Variants in GRIA3 observed in about 807,000 individuals in gnomAD.
GRIA3 encodes the protein glutamate ionotropic receptor AMPA type subunit 3.
In GRIA3, 3 loss-of-function variants were observed where a neutral mutation model predicts 63.0. The ratio of observed to expected loss-of-function variants is 0.05; its 90% CI spans 0.02 to 0.12. The LOEUF (loss-of-function observed/expected upper bound fraction) is 0.12. Among genes scored for constraint, GRIA3 ranks in the 10% least tolerant of loss-of-function variants. GRIA3 has a pLI of 1.00. For missense variants in GRIA3, 347 were observed against 700.9 expected, an observed-to-expected ratio of 0.50 and a Z score of 5.70; for synonymous variants, 274 against 257.9, an observed-to-expected ratio of 1.06 and a Z score of -0.60.
At chrX:123,260,426 C>CAGAAAGAAAGAAAGAA (rs1228813293) in intron 3 of GRIA3, among the ~76,000 whole-genome samples, 5 of 7,350 alleles carry the variant, frequency 6.8e-4, no homozygotes, top group African/African-American at 1.8e-3. Flanking sequence ...GACAGACAGA[C>CAGAAAGAAAGAAAGAA]AGAAAGAAAG....
At chrX:123,445,923 A>T (rs1281877612) in intron 12 of GRIA3, among the ~76,000 whole-genome samples, 1 of 112,309 alleles carries the variant, frequency 8.9e-6, no homozygotes, top group African/African-American at 3.2e-5. Context: ...GCTTTTTTTT[A>T]GGAATTCCCC....
intron 3 of GRIA3, among the ~76,000 whole-genome samples, chrX:123,261,694 C>G (rs898175293): frequency 1.8e-5 from 2 of 111,634 alleles, no homozygotes; most frequent in African/African-American, 3.3e-5. Flanking sequence ...CCCTGTCCCT[C>G]TTGTGACCAA....
At chrX:123,259,800 A>G (rs1343690438) in intron 3 of GRIA3, among the ~76,000 whole-genome samples, 1 of 111,529 alleles carries the variant, frequency 9.0e-6, no homozygotes, top group Non-Finnish European at 1.9e-5. Context: ...TCCACAGTCT[A>G]TGTACTGTTC....
intron 2 of GRIA3, chrX:123,204,622 A>G (rs1927836655): frequency 4.5e-6 from 5 of 1,101,890 alleles, no homozygotes; most frequent in Non-Finnish European, 4.8e-6. Context: ...GAGATGGGAC[A>G]GGATCAAAGT....
chrX:123,346,135 G>A (rs2045047974), intron 4 of GRIA3, among the ~76,000 whole-genome samples: 1 of 111,632 alleles, frequency 9.0e-6, no homozygotes, highest in Non-Finnish European at 1.9e-5. Context: ...TTCTAAGCCA[G>A]GCAGTCTAGC....
intron 2 of GRIA3, among the ~76,000 whole-genome samples, chrX:123,248,984 G>T (rs972875316): frequency 8.9e-6 from 1 of 111,843 alleles, no homozygotes; most frequent in Non-Finnish European, 1.9e-5. Flanking sequence ...ACCCCTGGTA[G>T]AGCCATCTAT....
At chrX:123,311,024 C>A (rs2044788005) in intron 3 of GRIA3, among the ~76,000 whole-genome samples, 1 of 109,184 alleles carries the variant, frequency 9.2e-6, no homozygotes, top group South Asian at 3.9e-4. Flanking sequence ...AAAAGAAATT[C>A]TCTTGATCTG....
chrX:123,218,000 G>GAA (rs1928201027), intron 2 of GRIA3, among the ~76,000 whole-genome samples: 2 of 112,591 alleles, frequency 1.8e-5, no homozygotes, highest in African/African-American at 6.5e-5. Context: ...GGGAGGGGAA[G>GAA]AAAAAACAGG....
chrX:123,446,450 C>T (rs890633644), intron 12 of GRIA3, among the ~76,000 whole-genome samples: 5 of 111,625 alleles, frequency 4.5e-5, no homozygotes, highest in Non-Finnish European at 7.5e-5. Context: ...AGGAAATCCA[C>T]TTTCTCCACA....
chrX:123,357,321 G>A (rs2045139890), intron 5 of GRIA3, among the ~76,000 whole-genome samples: 1 of 110,067 alleles, frequency 9.1e-6, no homozygotes, highest in Non-Finnish European at 1.9e-5. Context: ...TCTGAGCCGT[G>A]CATAAGAATG....
intron 13 of GRIA3, among the ~76,000 whole-genome samples, chrX:123,466,572 T>C (rs2045835151): frequency 1.8e-5 from 2 of 111,935 alleles, no homozygotes; most frequent in South Asian, 3.8e-4. Context: ...TGACTTCTAA[T>C]GCTCTTTGGA....
intron 12 of GRIA3, among the ~76,000 whole-genome samples, chrX:123,440,861 C>T (rs1049438866): frequency 2.7e-5 from 3 of 112,050 alleles, no homozygotes; most frequent in African/African-American, 9.7e-5. Context: ...AAAATCTTTG[C>T]CTGTTCCTAT....
rs1225114232 is a variant in GRIA3, at chrX:123,403,231, A to G, written c.1185+133A>G. 3.9e-5 allele frequency: 23 copies of G among 584,475 alleles called. No individual in the cohort carries two copies. In the South Asian group the frequency reaches 4.8e-4, roughly 12 times the overall value. The allele number at this position is 584,475 out of a possible 1,213,427, so 48.2% of individuals were successfully genotyped here. A position where few individuals can be genotyped will look rare whatever the true frequency, so the allele number is the denominator to read the frequency against. On this transcript the variant is annotated intron_variant, in intron 8 of 15. Transcript: ENST00000620443. ...TGGGAGATGGGAACCTCCAGGATGA[A>G]GGAATAGCACACCTATGTGTCAGTG...
chrX:123,415,165 C>T (rs12848232), intron 10 of GRIA3, among the ~76,000 whole-genome samples: 2 of 111,795 alleles, frequency 1.8e-5, no homozygotes, highest in Non-Finnish European at 1.9e-5. Context: ...ATTTCTCTGA[C>T]GACCAGTGAT....
chrX:123,425,894 G>T (rs1166022679), intron 11 of GRIA3, among the ~76,000 whole-genome samples: 1 of 111,859 alleles, frequency 8.9e-6, no homozygotes, highest in Admixed American at 9.5e-5. Context: ...CAAAATACCT[G>T]CCAAAATTAT....
chrX:123,445,528 CTTCCAGGCAAT>C (rs1287181243), intron 12 of GRIA3, among the ~76,000 whole-genome samples: 47 of 111,893 alleles, frequency 4.2e-4, no homozygotes, highest in African/African-American at 1.4e-3. Context: ...TTTGTTTTGT[CTTCCAGGCAAT>C]TTCCAGGCTT....
intron 3 of GRIA3, among the ~76,000 whole-genome samples, chrX:123,317,334 T>C (rs1017706494): frequency 1.8e-5 from 2 of 111,227 alleles, no homozygotes; most frequent in Non-Finnish European, 3.8e-5. Flanking sequence ...AAACCAATCA[T>C]GCCTTCCCAA....
At chrX:123,328,919 C>T (rs2044922981) in intron 4 of GRIA3, among the ~76,000 whole-genome samples, 1 of 112,118 alleles carries the variant, frequency 8.9e-6, no homozygotes, top group Non-Finnish European at 1.9e-5. Flanking sequence ...GCAACAACTT[C>T]AACATGATAT....
chrX:123,401,586 T>C (rs1393914176), intron 7 of GRIA3, among the ~76,000 whole-genome samples: 1 of 112,122 alleles, frequency 8.9e-6, no homozygotes, highest in East Asian at 2.8e-4. Context: ...AGTGCTTAGG[T>C]TTGTTGGATC....
Sources: gnomAD v4.1 joint callset for allele counts (sites outside exome capture counted in the v4.1 genomes callset) on GRCh38, gnomAD v4.1.1 for gene constraint, MANE v1.5 for transcripts, NCBI Gene and HGNC (gene_info 2026-07-23, HGNC 2026-07-21) for gene names.